LVRN: variants seen among roughly 807,000 people sequenced by gnomAD.
LVRN encodes the protein aminopeptidase Q.
LVRN carries 99 observed loss-of-function variants against 111.4 expected under a neutral mutation model. The observed-to-expected ratio is 0.89, with a 90% CI of 0.76 to 1.05. LVRN has a LOEUF of 1.05. Ranked by LOEUF, LVRN falls within the 50% of genes least tolerant of loss-of-function variation. The pLI is 0.00. For synonymous variants in LVRN, 488 were observed against 449.5 expected (o/e 1.09, Z -1.08); for missense variants, 1,414 against 1,206.8 (o/e 1.17, Z -2.54).
chr5:116,018,272 C>T (rs953926233), intron 18 of LVRN, among the ~76,000 whole-genome samples: 3 of 152,166 alleles, frequency 2.0e-5, no homozygotes, highest in South Asian at 2.1e-4. Flanking sequence ...CTCTGATTCC[C>T]GGTTCTCTAT....
chr5:115,987,218 C>T (rs73259401), intron 3 of LVRN, among the ~76,000 whole-genome samples: 4,754 of 152,072 alleles, frequency 0.031, 124 homozygotes, highest in African/African-American at 0.069. Context: ...TGTCATTTGG[C>T]AATAGAAAAA....
intron 19 of LVRN, among the ~76,000 whole-genome samples, chr5:116,022,951 T>C (rs1748763920): frequency 6.6e-6 from 1 of 152,258 alleles, no homozygotes; most frequent in Non-Finnish European, 1.5e-5. Flanking sequence ...ACATTTCCTC[T>C]AGTTATACTG....
chr5:115,992,351 C>A (rs984424687), intron 5 of LVRN, 74 bp downstream of exon 5: 9 of 1,489,512 alleles, frequency 6.0e-6, no homozygotes, highest in Non-Finnish European at 6.5e-6. Flanking sequence ...GCATAAAAAC[C>A]CCAGTAAGAC....
intron 18 of LVRN, chr5:116,021,521 G>C (rs1748729300): frequency 4.3e-6 from 1 of 234,508 alleles, no homozygotes; most frequent in Admixed American, 5.7e-5. Flanking sequence ...TAGAAAGTTA[G>C]AAAAACAGCA....
intron 10 of LVRN, among the ~76,000 whole-genome samples, chr5:116,001,886 GT>G (rs1254081141): frequency 6.6e-6 from 1 of 152,166 alleles, no homozygotes; most frequent in East Asian, 1.9e-4. Context: ...AATAGATTGT[GT>G]AAAAGTGAAA....
At position 115,962,728 on chromosome 5, in the gene LVRN, C is replaced by A; in HGVS notation, c.111C>A (p.Tyr37Ter). Residue 37 changes from tyrosine (Y) to a stop codon, truncating the protein, a stop_gained, in exon 1 of 20, where the codon TAC becomes TAA. Coordinates refer to ENST00000357872, the MANE Select transcript of LVRN (RefSeq NM_173800.5). LOFTEE classifies it high-confidence loss of function. ...LLALAVLAAL[Y>*]GHCERVPPSE... ...CGCTGGCCGTACTCGCCGCCTTGTA[C>A]GGCCACTGCGAGCGCGTCCCACCGT... The A allele has an allele frequency of 6.2e-7, 1 of 1,612,060 alleles. No individual in the cohort carries two copies. Among genetic ancestry groups the A allele is most frequent in the Non-Finnish European group, 8.5e-7 (1 of 1,179,636 alleles).
intron 1 of LVRN, among the ~76,000 whole-genome samples, chr5:115,965,033 G>C (rs966053717): frequency 1.3e-5 from 2 of 152,198 alleles, no homozygotes; most frequent in African/African-American, 4.8e-5. Flanking sequence ...TGTGTGAATT[G>C]AGCTAGTCTC....
At chr5:115,984,003 C>T (rs1202643039) in intron 2 of LVRN, among the ~76,000 whole-genome samples, 2 of 152,174 alleles carry the variant, frequency 1.3e-5, no homozygotes, top group African/African-American at 4.8e-5. Flanking sequence ...ACAAGTCTTG[C>T]TGTCTCCAGC....
intron 5 of LVRN, among the ~76,000 whole-genome samples, chr5:115,993,200 G>GTTTTTT (rs35417462): frequency 2.1e-4 from 31 of 148,778 alleles, no homozygotes; most frequent in African/African-American, 4.9e-4. Context: ...ATTTGACACT[G>GTTTTTT]TTTTTTTTTT....
At chr5:116,020,738 C>T (rs916470957) in intron 18 of LVRN, among the ~76,000 whole-genome samples, 1 of 152,120 alleles carries the variant, frequency 6.6e-6, no homozygotes, top group Non-Finnish European at 1.5e-5. Flanking sequence ...CCATGCTGGC[C>T]TCGTGGGCAT....
chr5:115,987,838 C>T lies in LVRN; in HGVS notation c.1004C>T (p.Ala335Val). Residue 335 changes from alanine (A) to valine (V), a missense_variant, in exon 4 of 20, where the codon GCA (alanine) becomes GTA (valine). By Grantham distance (64) the Ala-to-Val change is moderately conservative. Coordinates refer to ENST00000357872, the MANE Select transcript of LVRN (RefSeq NM_173800.5). Reference sequence around the variant, plus strand: ...ATACGCATCTGGGCCCGGAAAGATGCAATTGCAAATGGAAGTGCAGACTTT... The same window carrying T: ...ATACGCATCTGGGCCCGGAAAGATGTAATTGCAAATGGAAGTGCAGACTTT... ...KEIRIWARKD[A>V]IANGSADFAL... The T allele has an allele frequency of 1.2e-6, 2 of 1,612,752 alleles. No homozygotes were observed. Among genetic ancestry groups the T allele is most frequent in the African/African-American group, 1.3e-5 (1 of 74,914 alleles).
intron 15 of LVRN, among the ~76,000 whole-genome samples, chr5:116,013,762 A>G (rs914843936): frequency 6.6e-6 from 1 of 152,184 alleles, no homozygotes; most frequent in Non-Finnish European, 1.5e-5. Flanking sequence ...AATCTGGAGT[A>G]GGGACCACAA....
intron 13 of LVRN, among the ~76,000 whole-genome samples, chr5:116,007,996 C>G (rs116164079): frequency 6.6e-6 from 1 of 152,152 alleles, no homozygotes; most frequent in Non-Finnish European, 1.5e-5. Context: ...GCCAGCCATT[C>G]CTCCATCTCT....
chr5:115,980,188 G>A lies in LVRN; in HGVS notation c.696-3099G>A, dbSNP rs77037277. On this transcript the variant is annotated intron_variant, in intron 1 of 19. Coordinates refer to ENST00000357872, the MANE Select transcript of LVRN (RefSeq NM_173800.5). ...CATGTTTCAGTGAGATTTGAAGGGA[G>A]GAGAGGGTGGTGGATGGTTCTATTT... Among the ~76,000 whole-genome samples, 80 of 152,206 alleles carry A rather than the reference G, an allele frequency of 5.3e-4. No homozygotes were observed. In the East Asian group the frequency reaches 0.013, roughly 24 times the overall value.
chr5:115,988,204 C>T (rs2112578473), intron 4 of LVRN, among the ~76,000 whole-genome samples: 1 of 152,340 alleles, frequency 6.6e-6, no homozygotes, highest in Middle Eastern at 3.4e-3. Context: ...ATGGCAGCCT[C>T]CCGTCCTCTA....
At chr5:115,995,947 C>CGT (rs3072895) in intron 6 of LVRN, among the ~76,000 whole-genome samples, 23 of 150,974 alleles carry the variant, frequency 1.5e-4, no homozygotes, top group Middle Eastern at 6.8e-3. Context: ...AGAAGCTAAT[C>CGT]GTGTGTGTGT....
At chr5:115,974,475 G>A (rs922325567) in intron 1 of LVRN, 7 of 152,218 alleles carry the variant, frequency 4.6e-5, no homozygotes, top group East Asian at 1.9e-4. Context: ...AAAGTTTTAC[G>A]TCTGGTAAGC....
At chr5:116,006,025 T>TAATAGCTTCATC in intron 13 of LVRN, 58 bp downstream of exon 13, 1 of 1,357,048 alleles carries the variant, frequency 7.4e-7, no homozygotes, top group East Asian at 2.3e-5. Flanking sequence ...TTTATAAAAA[T>TAATAGCTTCATC]AATAGCTTCA....
Position 115,987,945 on chromosome 5 carries a change from G to T in LVRN, c.1105+6G>T. The T allele has an allele frequency of 1.2e-6, 2 of 1,607,126 alleles. No homozygotes were observed. Among genetic ancestry groups the T allele is most frequent in the Non-Finnish European group, 1.7e-6 (2 of 1,177,806 alleles). On this transcript the variant is annotated splice_donor_region_variant and intron_variant, in intron 4 of 19. Coordinates refer to ENST00000357872, the MANE Select transcript of LVRN (RefSeq NM_173800.5). ...TTACTCTCTTCCAAAAACAGGTGAG[G>T]TAATCTTTTCCTTTCAGTGCATTTG...
Sources: gnomAD v4.1 joint callset for allele counts (sites outside exome capture counted in the v4.1 genomes callset) on GRCh38, gnomAD v4.1.1 for gene constraint, MANE v1.5 for transcripts, NCBI Gene and HGNC (gene_info 2026-07-23, HGNC 2026-07-21) for gene names.